P4HA1: variants seen among roughly 807,000 people sequenced by gnomAD.
The protein encoded by P4HA1 is prolyl 4-hydroxylase subunit alpha-1.
Under a neutral mutation model 72.8 loss-of-function variants are expected in P4HA1, and 24 were observed. That is an observed-to-expected ratio of 0.33 (90% CI 0.24 to 0.46). The LOEUF (loss-of-function observed/expected upper bound fraction) is 0.46. Ranked by LOEUF, P4HA1 falls within the 20% of genes least tolerant of loss-of-function variation. The pLI is 1.00. For missense variants in P4HA1, 446 were observed against 640.6 expected (o/e 0.70, Z 3.28); for synonymous variants, 201 against 218.8 (o/e 0.92, Z 0.72).
chr10:73,042,611 GAAC>G (rs1404765744), intron 9 of P4HA1, among the ~76,000 whole-genome samples: 1 of 151,312 alleles, frequency 6.6e-6, no homozygotes, highest in Non-Finnish European at 1.5e-5. Context: ...TAAAATATGT[GAAC>G]AAAATATTTT....
chr10:73,055,137 G>A (rs1841110375), intron 5 of P4HA1, among the ~76,000 whole-genome samples: 1 of 152,148 alleles, frequency 6.6e-6, no homozygotes, highest in Admixed American at 6.5e-5. Flanking sequence ...AGAGGCTAAG[G>A]CAAGAAGAAT....
chr10:73,062,002 G>A (rs1213513393), intron 5 of P4HA1, among the ~76,000 whole-genome samples: 1 of 152,186 alleles, frequency 6.6e-6, no homozygotes, highest in Non-Finnish European at 1.5e-5. Flanking sequence ...CTGGCTGATA[G>A]AGTGAAATCT....
chr10:73,019,489 TAAAAG>T (rs969255071), intron 10 of P4HA1, among the ~76,000 whole-genome samples: 8 of 151,448 alleles, frequency 5.3e-5, no homozygotes, highest in Admixed American at 5.3e-4. Flanking sequence ...CTCAAACAGA[TAAAAG>T]AAAATACAGA....
intron 1 of P4HA1, among the ~76,000 whole-genome samples, chr10:73,081,711 T>C (rs1181565728): frequency 6.6e-6 from 1 of 152,210 alleles, no homozygotes; most frequent in Non-Finnish European, 1.5e-5. Flanking sequence ...AACTTTATGA[T>C]GGTGCAAAAG....
intron 12 of P4HA1, among the ~76,000 whole-genome samples, chr10:73,012,553 A>C (rs1839929025): frequency 6.6e-6 from 1 of 152,168 alleles, no homozygotes; most frequent in South Asian, 2.1e-4. Context: ...TTGTGAGAGA[A>C]ATACAAATTG....
chr10:73,010,616 C>T (rs1228787287), intron 13 of P4HA1, among the ~76,000 whole-genome samples: 1 of 152,112 alleles, frequency 6.6e-6, no homozygotes, highest in Non-Finnish European at 1.5e-5. Flanking sequence ...TGCCTGTAAT[C>T]CCAACATTTT....
chr10:73,056,518 G>A lies in P4HA1; in HGVS notation c.464-2928C>T, dbSNP rs1401974658. On this transcript the variant is annotated intron_variant, in intron 5 of 14. Coordinates refer to ENST00000394890, the MANE Select transcript of P4HA1 (RefSeq NM_001017962.3). ...ATGGTGGCGGGTGCCTGTAATCCCA[G>A]CTACTCAGGAGGCTGAGGCAGGAGA... 3.9e-5 allele frequency among the ~76,000 whole-genome samples: 6 copies of A among 152,206 alleles called. 2 individuals carry two copies. The highest frequency in any genetic ancestry group is 3.9e-4 in the Admixed American group (6 of 15,286).
At chr10:73,009,748 T>C in intron 14 of P4HA1, 59 bp downstream of exon 14, 4 of 966,154 alleles carry the variant, frequency 4.1e-6, no homozygotes, top group South Asian at 1.4e-5. Flanking sequence ...ACACAGATAA[T>C]AGTTCCAAAA....
At chr10:73,092,800 T>C (rs1338017036) in intron 1 of P4HA1, among the ~76,000 whole-genome samples, 2 of 151,940 alleles carry the variant, frequency 1.3e-5, no homozygotes, top group Admixed American at 1.3e-4. Context: ...CTACTTATAA[T>C]GGAGAAACAG....
chr10:73,061,494 AAAC>A lies in P4HA1; in HGVS notation c.463+7349_463+7351del, dbSNP rs768950865. On this transcript the variant is annotated intron_variant, in intron 5 of 14. Transcript: ENST00000394890. ...CATAATTTAAAAAAATACAACTGTA[AAAC>A]AACAACTTTGAGATCACCAGAGAAA... Among the ~76,000 whole-genome samples the A allele has an allele frequency of 7.6e-4, 116 of 152,334 alleles. No individual in the cohort carries two copies. The Middle Eastern group carries it at 0.014, about 18-fold the overall frequency.
intron 5 of P4HA1, among the ~76,000 whole-genome samples, chr10:73,053,916 CTTTTT>C (rs112306423): frequency 6.9e-6 from 1 of 145,740 alleles, no homozygotes; most frequent in African/African-American, 2.5e-5. Flanking sequence ...AGATACATCT[CTTTTT>C]TTTTTTTTCT....
intron 9 of P4HA1, among the ~76,000 whole-genome samples, chr10:73,038,304 C>G (rs77321721): frequency 7.2e-5 from 11 of 152,158 alleles, no homozygotes; most frequent in Non-Finnish European, 1.5e-4. Context: ...CACACATATA[C>G]ATATATATCA....
chr10:73,092,346 C>CTTTT lies in P4HA1; in HGVS notation c.-33+4416_-33+4419dup, dbSNP rs1157972087. ...ATTGTAAATAATTTTTTTTTCTTTT[C>CTTTT]TTTTTTTTTTTTTTTTTTTTAGAGA... On this transcript the variant is annotated intron_variant, in intron 1 of 14. Transcript: ENST00000394890. Among the ~76,000 whole-genome samples, 127 of 112,332 alleles carry CTTTT rather than the reference C, an allele frequency of 1.1e-3. 2 individuals carry two copies. Among genetic ancestry groups the CTTTT allele is most frequent in the African/African-American group, 3.2e-3 (93 of 29,346 alleles). The allele number at this position is 112,332 out of a possible 152,430, so 73.7% of individuals were successfully genotyped here.
At chr10:73,044,373 A>T (rs1414893177) in intron 9 of P4HA1, among the ~76,000 whole-genome samples, 1 of 152,216 alleles carries the variant, frequency 6.6e-6, no homozygotes, top group African/African-American at 2.4e-5. Context: ...CTGGCAAAGT[A>T]AAAGGCAACT....
intron 1 of P4HA1, among the ~76,000 whole-genome samples, chr10:73,078,439 T>G (rs903587181): frequency 2.6e-5 from 4 of 152,052 alleles, no homozygotes; most frequent in African/African-American, 9.7e-5. Flanking sequence ...CTATATTGAC[T>G]AAGATTATGT....
chr10:73,074,259 G>T (rs1841638448), intron 2 of P4HA1, among the ~76,000 whole-genome samples: 1 of 151,926 alleles, frequency 6.6e-6, no homozygotes, highest in African/African-American at 2.4e-5. Context: ...CAAATAATCT[G>T]TTATTTATAA....
intron 1 of P4HA1, among the ~76,000 whole-genome samples, chr10:73,090,648 C>CA (rs148291944): frequency 0.046 from 6,996 of 152,198 alleles, 511 homozygotes; most frequent in African/African-American, 0.15. Flanking sequence ...TTACTTATTA[C>CA]TATCACTCTA....
chr10:73,017,986 C>T (rs1037626621), intron 10 of P4HA1, among the ~76,000 whole-genome samples: 2 of 144,456 alleles, frequency 1.4e-5, no homozygotes, highest in Non-Finnish European at 3.0e-5. Flanking sequence ...GTGTCTTGCT[C>T]TGGGGCCAGT....
intron 1 of P4HA1, among the ~76,000 whole-genome samples, chr10:73,079,250 G>A (rs1841772106): frequency 6.6e-6 from 1 of 152,100 alleles, no homozygotes; most frequent in Non-Finnish European, 1.5e-5. Flanking sequence ...TAGGCCAGGA[G>A]TTCGAAACCA....
Sources: gnomAD v4.1 joint callset for allele counts (sites outside exome capture counted in the v4.1 genomes callset) on GRCh38, gnomAD v4.1.1 for gene constraint, MANE v1.5 for transcripts, NCBI Gene and HGNC (gene_info 2026-07-23, HGNC 2026-07-21) for gene names.